The following HAPLN1 variants were observed in gnomAD, a reference collection of about 807,000 sequenced individuals.
HAPLN1 encodes hyaluronan and proteoglycan link protein 1, also known as Cartilage link protein.
In HAPLN1, 13 loss-of-function variants were observed where a neutral mutation model predicts 36.5. That is an observed-to-expected ratio of 0.36 (90% CI 0.23 to 0.57). The LOEUF (loss-of-function observed/expected upper bound fraction) is 0.57, where lower values mean the gene tolerates loss of function less well. HAPLN1 is among the 20% of genes least tolerant of loss of function. The pLI is 0.83. For missense variants in HAPLN1, 407 were observed against 439.7 expected, an observed-to-expected ratio of 0.93 and a Z score of 0.66; for synonymous variants, 202 against 169.8, an observed-to-expected ratio of 1.19 and a Z score of -1.48.
intron 1 of HAPLN1, among the ~76,000 whole-genome samples, chr5:83,704,259 A>G (rs190445278): frequency 7.9e-4 from 121 of 152,318 alleles, no homozygotes; most frequent in African/African-American, 2.8e-3. Flanking sequence ...TGAAAGGAGC[A>G]CTAAGTATGG....
At chr5:83,680,701 G>A (rs2041914) in intron 1 of HAPLN1, among the ~76,000 whole-genome samples, 40,694 of 151,870 alleles carry the variant, frequency 0.27, 6,163 homozygotes, top group Non-Finnish European at 0.35. Context: ...TATTTTTTAT[G>A]CCCTAAAATC....
intron 4 of HAPLN1, among the ~76,000 whole-genome samples, chr5:83,643,072 C>T (rs372264880): frequency 6.6e-6 from 1 of 152,046 alleles, no homozygotes; most frequent in East Asian, 1.9e-4. Context: ...GTCTGTAATC[C>T]CAGCACTTTA....
At chr5:83,706,314 T>C (rs1165249760) in intron 1 of HAPLN1, among the ~76,000 whole-genome samples, 3 of 152,262 alleles carry the variant, frequency 2.0e-5, no homozygotes, top group Admixed American at 6.5e-5. Context: ...TTGGTGAACA[T>C]TGATGCAAAA....
At chr5:83,647,387 G>A (rs997617135) in intron 3 of HAPLN1, among the ~76,000 whole-genome samples, 5 of 152,038 alleles carry the variant, frequency 3.3e-5, no homozygotes, top group Non-Finnish European at 5.9e-5. Flanking sequence ...AGTAAATCAA[G>A]GTAAAGCTCT....
chr5:83,655,626 C>T (rs761571208), intron 2 of HAPLN1, among the ~76,000 whole-genome samples: 65 of 151,852 alleles, frequency 4.3e-4, no homozygotes, highest in Non-Finnish European at 8.7e-4. Flanking sequence ...GTGACTAAGG[C>T]CATTAAGGTT....
intron 4 of HAPLN1, 36 bp from the exon 5 acceptor site, chr5:83,641,821 C>A: frequency 1.3e-6 from 2 of 1,592,546 alleles, no homozygotes; most frequent in South Asian, 2.3e-5. Flanking sequence ...ATGGGCTGGT[C>A]TTCAATTGAG....
intron 2 of HAPLN1, among the ~76,000 whole-genome samples, chr5:83,656,010 T>G (rs1433327579): frequency 6.6e-6 from 1 of 152,080 alleles, no homozygotes; most frequent in African/African-American, 2.4e-5. Flanking sequence ...CTGGATCAGT[T>G]TGAAATTAAT....
intron 4 of HAPLN1, among the ~76,000 whole-genome samples, chr5:83,642,968 C>T (rs1749744185): frequency 6.6e-6 from 1 of 152,116 alleles, no homozygotes; most frequent in African/African-American, 2.4e-5. Flanking sequence ...TACAATGAGC[C>T]TTTGCAGCAG....
intron 1 of HAPLN1, among the ~76,000 whole-genome samples, chr5:83,680,748 A>G (rs1359804598): frequency 6.6e-6 from 1 of 152,200 alleles, no homozygotes; most frequent in Non-Finnish European, 1.5e-5. Context: ...CTAGACAACC[A>G]ATATGAATAT....
chr5:83,674,222 C>T (rs936739090), intron 1 of HAPLN1: 2 of 152,152 alleles, frequency 1.3e-5, no homozygotes, highest in Non-Finnish European at 2.9e-5. Flanking sequence ...TGCAGTCATC[C>T]TGATTGATTT....
intron 1 of HAPLN1, among the ~76,000 whole-genome samples, chr5:83,686,229 G>A (rs1353586607): frequency 2.7e-5 from 4 of 148,524 alleles, no homozygotes; most frequent in African/African-American, 7.5e-5. Context: ...TTTAAAATTT[G>A]CCTAAGAATT....
At chr5:83,703,810 G>A (rs1172264656) in intron 1 of HAPLN1, among the ~76,000 whole-genome samples, 2 of 152,052 alleles carry the variant, frequency 1.3e-5, no homozygotes, top group East Asian at 3.9e-4. Flanking sequence ...GGAGTTCTCT[G>A]TATTTCCTGA....
At chr5:83,651,066 T>C (rs971726856) in intron 3 of HAPLN1, among the ~76,000 whole-genome samples, 2 of 152,194 alleles carry the variant, frequency 1.3e-5, no homozygotes, top group South Asian at 4.1e-4. Context: ...TCTTTTTATT[T>C]AGAGTTTAAT....
At chr5:83,689,100 A>G (rs1490396051) in intron 1 of HAPLN1, among the ~76,000 whole-genome samples, 5 of 152,132 alleles carry the variant, frequency 3.3e-5, no homozygotes, top group Non-Finnish European at 5.9e-5. Context: ...ACCTTATTTA[A>G]ATTTACTCAG....
At chr5:83,698,699 T>C (rs1471278763) in intron 1 of HAPLN1, among the ~76,000 whole-genome samples, 2 of 152,168 alleles carry the variant, frequency 1.3e-5, no homozygotes, top group Non-Finnish European at 1.5e-5. Flanking sequence ...GAGGCAAATA[T>C]TGTCAAAAAT....
At chr5:83,669,302 C>T (rs1283139145) in intron 2 of HAPLN1, among the ~76,000 whole-genome samples, 1 of 152,014 alleles carries the variant, frequency 6.6e-6, no homozygotes, top group African/African-American at 2.4e-5. Flanking sequence ...CAGGAATTAC[C>T]AGCCTGGCCA....
chr5:83,715,199 C>T (rs193018917), intron 1 of HAPLN1, among the ~76,000 whole-genome samples: 9 of 152,304 alleles, frequency 5.9e-5, no homozygotes, highest in African/African-American at 2.2e-4. Context: ...GAAAACAAAA[C>T]ATTTACTTTA....
chr5:83,648,741 C>A lies in HAPLN1; in HGVS notation c.472+3712G>T, dbSNP rs1749960615. 3.3e-5 allele frequency among the ~76,000 whole-genome samples: 5 copies of A among 152,022 alleles called. No homozygotes were observed. In the South Asian group the frequency reaches 1.0e-3, roughly 32 times the overall value. On this transcript the variant is annotated intron_variant, in intron 3 of 4. Transcript: ENST00000274341. ...GAAGACTGACAGGGAGTTTGAGTAC[C>A]ACTGCCTGATTGGTAGATAGTCACA...
At position 83,640,637 on chromosome 5, in the gene HAPLN1, A is replaced by G. The variant is rs1458819104; in HGVS notation, c.*859T>C. On this transcript the variant is annotated 3_prime_UTR_variant, in exon 5 of 5. Coordinates refer to ENST00000274341, the MANE Select transcript of HAPLN1 (RefSeq NM_001884.4). ...GAAAATCAAGCTGCTAAATTTTACA[A>G]TTTTTCTGTCCAGCAGTTTATCTAT... is the stretch of plus-strand genomic sequence containing the variant. The G allele has an allele frequency of 3.3e-5, 5 of 152,110 alleles. No individual in the cohort carries two copies. The highest frequency in any genetic ancestry group is 7.4e-5 in the Non-Finnish European group (5 of 67,990). 9.4% of individuals were successfully genotyped at this position (152,110 alleles called of 1,614,324 possible).
Sources: allele counts gnomAD v4.1 joint callset (sites outside exome capture counted in the v4.1 genomes callset), GRCh38; gene constraint gnomAD v4.1.1; transcripts MANE v1.5; gene names NCBI Gene and HGNC (gene_info 2026-07-23, HGNC 2026-07-21).